DAB2IP: variants seen among roughly 807,000 people sequenced by gnomAD.
DAB2IP encodes the protein DAB2 interacting protein.
Under a neutral mutation model 107.2 loss-of-function variants are expected in DAB2IP, and 28 were observed. The observed-to-expected ratio is 0.26, with a 90% CI of 0.19 to 0.36. The LOEUF (loss-of-function observed/expected upper bound fraction) is 0.36, where lower values mean the gene tolerates loss of function less well. Ranked by LOEUF, DAB2IP falls within the 10% of genes least tolerant of loss-of-function variation. DAB2IP has a pLI of 1.00. For missense variants in DAB2IP, 1,400 were observed against 1,644.7 expected (o/e 0.85, Z 2.57); for synonymous variants, 755 against 706.4 (o/e 1.07, Z -1.09).
rs1326790991 is a variant in DAB2IP at position 121,759,011 on chromosome 9, C to T, written c.615+15C>T. 156 of 1,604,242 alleles carry T rather than the reference C, an allele frequency of 9.7e-5. No homozygotes were observed. The highest frequency in any genetic ancestry group is 1.3e-4 in the Non-Finnish European group (147 of 1,175,604). On this transcript the variant is annotated intron_variant, in intron 5 of 15. Coordinates refer to ENST00000408936, the Ensembl canonical transcript of DAB2IP. ...ATCCCAACAAGGTAAGCCTGCGCCC[C>T]TCTCACCAAAGCATGGGGGATTGAA...
chr9:121,582,970 C>T (rs1219973983), intron 1 of DAB2IP, among the ~76,000 whole-genome samples: 1 of 152,262 alleles, frequency 6.6e-6, no homozygotes, highest in African/African-American at 2.4e-5. Context: ...GTCTCATTCC[C>T]CTGTAGCCTT....
Position 121,760,657 on chromosome 9 carries a change from G to A in DAB2IP, c.1170+218G>A, listed in dbSNP as rs577205495. 1.3e-5 allele frequency among the ~76,000 whole-genome samples: 2 copies of A among 152,256 alleles called. No individual in the cohort carries two copies. Among genetic ancestry groups the A allele is most frequent in the Admixed American group, 6.5e-5 (1 of 15,292 alleles). On this transcript the variant is annotated intron_variant, in intron 6 of 15. Coordinates refer to ENST00000408936, the Ensembl canonical transcript of DAB2IP. The surrounding 1 kb of genome is among the most constrained non-coding windows in gnomAD (Gnocchi z 5.9). ...TCACTGAGGCCTGTGTGGAGCCAGT[G>A]GATGGGATTGCAGCTGGTAGTGAGG...
At position 121,635,453 on chromosome 9, in the gene DAB2IP, C is replaced by T. The variant is rs1447684549; in HGVS notation, c.41-43225C>T. Among the ~76,000 whole-genome samples, 1 of 152,196 alleles carries T rather than the reference C, an allele frequency of 6.6e-6. No homozygotes were observed. The highest frequency in any genetic ancestry group is 1.5e-5 in the Non-Finnish European group (1 of 68,036). On this transcript the variant is annotated intron_variant, in intron 1 of 16. Transcript: ENST00000259371. The surrounding 1 kb of genome is among the most constrained non-coding windows in gnomAD (Gnocchi z 4.3). The stretch of plus-strand genomic sequence containing the variant: ...GAAACTGGAACTCTGGTCTCTCTGG[C>T]CATAGGTTCAGGGCCACCTCCTGTG...
At chr9:121,712,030 G>T (rs977682224) in intron 3 of DAB2IP, among the ~76,000 whole-genome samples, 3 of 152,222 alleles carry the variant, frequency 2.0e-5, no homozygotes, top group African/African-American at 7.2e-5. Flanking sequence ...TCCTTGCTGG[G>T]AGCAAAGTCT....
chr9:121,758,891 C>T lies in DAB2IP; in HGVS notation c.517-7C>T. On this transcript the variant is annotated splice_polypyrimidine_tract_variant and splice_region_variant and intron_variant, in intron 4 of 15. Transcript: ENST00000408936. Reference sequence around the variant, plus strand: ...CCTCATAACACTGTCTTGCCTGCTCCCCACAGGTGACGACGTCATCAGGAA... The same window carrying T: ...CCTCATAACACTGTCTTGCCTGCTCTCCACAGGTGACGACGTCATCAGGAA... The T allele has an allele frequency of 6.2e-7, 1 of 1,612,306 alleles. No homozygotes were observed. The highest frequency in any genetic ancestry group is 8.5e-7 in the Non-Finnish European group (1 of 1,179,484).
rs138811989 is a variant in DAB2IP, at chr9:121,628,187, G to T, written c.41-50491G>T. Among the ~76,000 whole-genome samples, 148 of 152,342 alleles carry T rather than the reference G, an allele frequency of 9.7e-4. 2 individuals are homozygous for T. In the East Asian group the frequency reaches 0.01, roughly 11 times the overall value. On this transcript the variant is annotated intron_variant, in intron 1 of 16. Coordinates refer to the DAB2IP transcript ENST00000259371. ...TGGGTGCAGTGAATCTGCTGACTTT[G>T]TTCCTGGAGCTGAGTGGAGATGCTG...
chr9:121,781,470 G>A (rs777515084), exon 15 of DAB2IP: 6 of 1,613,896 alleles, frequency 3.7e-6, no homozygotes. Context: ...ATAGGTTGAT[G>A]TCCGTGGAGG....
At chr9:121,577,712 A>G (rs1830097609) in intron 1 of DAB2IP, among the ~76,000 whole-genome samples, 1 of 152,110 alleles carries the variant, frequency 6.6e-6, no homozygotes, top group South Asian at 2.1e-4. Context: ...ATGGCCTCAC[A>G]CTGCTCTTTG....
rs1831920353 is a variant in DAB2IP at position 121,736,415 on chromosome 9, T to TCCCG, written c.363-20589_363-20586dup. On this transcript the variant is annotated intron_variant, in intron 3 of 15. Coordinates refer to ENST00000408936, the Ensembl canonical transcript of DAB2IP. This position sits in a 1 kb window ranked among gnomAD's most constrained non-coding sequence, Gnocchi z 4.6. ...GAACCCCTGCTCCAGGGCCTGCGCGTCCCGCCCGCCCGGCGTGCCGAAGCG... is the reference window on the plus strand; with the variant it reads ...GAACCCCTGCTCCAGGGCCTGCGCGTCCCGCCCGCCCGCCCGGCGTGCCGAAGCG... Among the ~76,000 whole-genome samples, 1 of 152,078 alleles carries TCCCG rather than the reference T, an allele frequency of 6.6e-6. No individual in the cohort carries two copies. Among genetic ancestry groups the TCCCG allele is most frequent in the Non-Finnish European group, 1.5e-5 (1 of 67,994 alleles).
chr9:121,703,366 C>T (rs1437931766), intron 3 of DAB2IP, among the ~76,000 whole-genome samples: 1 of 152,166 alleles, frequency 6.6e-6, no homozygotes, highest in East Asian at 1.9e-4. Context: ...GTTCCCTCCC[C>T]TACTATAGAC....
intron 1 of DAB2IP, among the ~76,000 whole-genome samples, chr9:121,661,725 G>C (rs1401488412): frequency 6.6e-6 from 1 of 152,194 alleles, no homozygotes; most frequent in Non-Finnish European, 1.5e-5. Context: ...GTTTATGCCT[G>C]TAATCCCAAC....
Position 121,677,232 on chromosome 9 carries a change from C to T in DAB2IP, c.125-1446C>T, listed in dbSNP as rs1304084779. On this transcript the variant is annotated intron_variant, in intron 1 of 15. Coordinates refer to ENST00000408936, the Ensembl canonical transcript of DAB2IP. ...TCACAGATTCTCATGTTTGAAAAAACGTGGGGGCTGACATAGTGGCTGAGC... is the reference window on the plus strand; with the variant it reads ...TCACAGATTCTCATGTTTGAAAAAATGTGGGGGCTGACATAGTGGCTGAGC... Among the ~76,000 whole-genome samples, 6 of 152,252 alleles carry T rather than the reference C, an allele frequency of 3.9e-5. No homozygotes were observed. The South Asian group carries it at 1.0e-3, about 26-fold the overall frequency.
At position 121,662,701 on chromosome 9, in the gene DAB2IP, C is replaced by A. The variant is rs1197167688; in HGVS notation, c.124+10802C>A. On this transcript the variant is annotated intron_variant, in intron 1 of 15. Coordinates refer to ENST00000408936, the Ensembl canonical transcript of DAB2IP. This position sits in a 1 kb window ranked among gnomAD's most constrained non-coding sequence, Gnocchi z 4.6. Reference sequence around the variant, plus strand: ...CCACCTAAAGGTGGTGGGTATCCTGCCTACATGTGCTTTCTGCTTTTACAT... The same window carrying A: ...CCACCTAAAGGTGGTGGGTATCCTGACTACATGTGCTTTCTGCTTTTACAT... Among the ~76,000 whole-genome samples the A allele has an allele frequency of 1.3e-5, 2 of 152,174 alleles. No individual in the cohort carries two copies. Among genetic ancestry groups the A allele is most frequent in the Non-Finnish European group, 2.9e-5 (2 of 68,008 alleles).
intron 4 of DAB2IP, among the ~76,000 whole-genome samples, chr9:121,758,381 T>C (rs1424154205): frequency 1.3e-5 from 2 of 152,152 alleles, no homozygotes; most frequent in Non-Finnish European, 2.9e-5. Context: ...ATAAAAAATA[T>C]CAGGCTTATA....
chr9:121,783,251 G>T, exon 16 of DAB2IP: 4 of 1,312,340 alleles, frequency 3.0e-6, no homozygotes, highest in Non-Finnish European at 3.9e-6. Flanking sequence ...GTCCCTGTGG[G>T]GAGGACCCAC....
intron 1 of DAB2IP, among the ~76,000 whole-genome samples, chr9:121,616,483 G>A (rs185389293): frequency 1.3e-3 from 204 of 152,310 alleles, no homozygotes; most frequent in Middle Eastern, 6.8e-3. Flanking sequence ...CCACATAGGC[G>A]TTTTTAAAGG....
chr9:121,778,553 GGACT>G (rs1405224674), intron 14 of DAB2IP, among the ~76,000 whole-genome samples: 5 of 152,058 alleles, frequency 3.3e-5, no homozygotes, highest in African/African-American at 9.6e-5. Context: ...GCCTTCTTTT[GGACT>G]GAGTATTTTT....
intron 1 of DAB2IP, among the ~76,000 whole-genome samples, chr9:121,642,925 G>C (rs1832413653): frequency 6.6e-6 from 1 of 152,114 alleles, no homozygotes; most frequent in Admixed American, 6.6e-5. Flanking sequence ...TGATATTTGA[G>C]CTGAGGCCTG....
rs117415134 is a variant in DAB2IP, at chr9:121,580,471, G to T, written c.40+13243G>T. 3.4e-3 allele frequency among the ~76,000 whole-genome samples: 519 copies of T among 152,234 alleles called. 1 individual carries two copies. The highest frequency in any genetic ancestry group is 5.1e-3 in the Non-Finnish European group (344 of 68,008). On this transcript the variant is annotated intron_variant, in intron 1 of 16. Transcript: ENST00000259371. ...AAAGGAGGAGGATCGCTTGAGATTA[G>T]GAGACCAGCCTGGGCAACACAGGGA... is the stretch of plus-strand genomic sequence containing the variant.
Sources: gnomAD v4.1 joint callset for allele counts (sites outside exome capture counted in the v4.1 genomes callset) on GRCh38, gnomAD v4.1.1 for gene constraint, Gnocchi (gnomAD v3.1) non-coding constraint, MANE v1.5 for transcripts, NCBI Gene and HGNC (gene_info 2026-07-23, HGNC 2026-07-21) for gene names.